The following VSNL1 variants were observed in gnomAD, a reference collection of about 807,000 sequenced individuals.
The protein encoded by VSNL1 is visinin like 1, also known as visinin-like protein 1.
Under a neutral mutation model 20.4 loss-of-function variants are expected in VSNL1, and 6 were observed. The observed-to-expected ratio is 0.29, with a 90% CI of 0.16 to 0.58. VSNL1 has a LOEUF of 0.58. Among genes scored for constraint, VSNL1 ranks in the 20% least tolerant of loss-of-function variants. VSNL1 has a pLI of 0.90. For synonymous variants in VSNL1, 93 were observed against 86.4 expected, an observed-to-expected ratio of 1.08 and a Z score of -0.42; for missense variants, 100 against 234.5, an observed-to-expected ratio of 0.43 and a Z score of 3.75.
intron 2 of VSNL1, among the ~76,000 whole-genome samples, chr2:17,610,728 G>A (rs1435648672): frequency 6.6e-6 from 1 of 152,228 alleles, no homozygotes; most frequent in Non-Finnish European, 1.5e-5. Flanking sequence ...TGCGGATTGC[G>A]ATGTGTCAGT....
At chr2:17,640,869 C>T (rs2103421637) in intron 2 of VSNL1, among the ~76,000 whole-genome samples, 1 of 152,284 alleles carries the variant, frequency 6.6e-6, no homozygotes, top group East Asian at 1.9e-4. Flanking sequence ...TTGAAATATA[C>T]AATAAATTAT....
intron 2 of VSNL1, among the ~76,000 whole-genome samples, chr2:17,602,219 C>T (rs1410529853): frequency 6.6e-6 from 1 of 152,162 alleles, no homozygotes; most frequent in African/African-American, 2.4e-5. Context: ...CTGATTCTTC[C>T]ATCTTTGGTG....
intron 2 of VSNL1, among the ~76,000 whole-genome samples, chr2:17,605,933 G>A (rs542276777): frequency 1.3e-4 from 20 of 152,344 alleles, no homozygotes; most frequent in Non-Finnish European, 2.2e-4. Flanking sequence ...GCCAACATTC[G>A]TTGAATGCTC....
Position 17,592,251 on chromosome 2 carries a change from A to C in VSNL1, c.162+15A>C, listed in dbSNP as rs753420956. 17 of 1,612,814 alleles carry C rather than the reference A, an allele frequency of 1.1e-5. No homozygotes were observed. The East Asian group carries it at 3.8e-4, about 36-fold the overall frequency. Reference sequence around the variant, plus strand: ...TCTATGTGAAGGTAAGTTGTTTTTCAACCTTGTTTTTATTCCTTAGGCCAG... The same window carrying C: ...TCTATGTGAAGGTAAGTTGTTTTTCCACCTTGTTTTTATTCCTTAGGCCAG... On this transcript the variant is annotated intron_variant, in intron 2 of 3. Transcript: ENST00000295156.
At chr2:17,575,487 A>T (rs899431282) in intron 1 of VSNL1, among the ~76,000 whole-genome samples, 2 of 151,944 alleles carry the variant, frequency 1.3e-5, no homozygotes, top group African/African-American at 4.8e-5. Flanking sequence ...AACCTTCTCA[A>T]CCTTATATAG....
intron 1 of VSNL1, among the ~76,000 whole-genome samples, chr2:17,587,232 A>G (rs1044942793): frequency 1.3e-5 from 2 of 152,158 alleles, no homozygotes; most frequent in South Asian, 4.2e-4. Context: ...GCTGATTGCT[A>G]GATTACCTGG....
chr2:17,580,338 G>A (rs774189479), intron 1 of VSNL1, among the ~76,000 whole-genome samples: 3 of 152,060 alleles, frequency 2.0e-5, no homozygotes, highest in Non-Finnish European at 4.4e-5. Flanking sequence ...TATCTGCTGC[G>A]TTTCCAGGAA....
intron 2 of VSNL1, among the ~76,000 whole-genome samples, chr2:17,599,067 G>A (rs1279913183): frequency 2.6e-5 from 4 of 152,188 alleles, no homozygotes; most frequent in African/African-American, 4.8e-5. Context: ...TATGTGCCAG[G>A]GGCTGTGTAG....
In VSNL1 at chr2:17,595,947, C is replaced by T. The variant is rs183804432; in HGVS notation, c.162+3711C>T. 7.2e-5 allele frequency among the ~76,000 whole-genome samples: 11 copies of T among 152,238 alleles called. No homozygotes were observed. In the East Asian group the frequency reaches 1.3e-3, roughly 19 times the overall value. On this transcript the variant is annotated intron_variant, in intron 2 of 3. Transcript: ENST00000295156. ...TTCAAGTATTTTGACTGCTGTATAA[C>T]GTTATATTGTTCAAATATACCACTG...
chr2:17,623,394 G>C (rs1435254333), intron 2 of VSNL1, among the ~76,000 whole-genome samples: 1 of 151,366 alleles, frequency 6.6e-6, no homozygotes, highest in Non-Finnish European at 1.5e-5. Flanking sequence ...CCCCGGCTGG[G>C]CACGGTGGCT....
intron 1 of VSNL1, among the ~76,000 whole-genome samples, chr2:17,577,656 C>A (rs953131890): frequency 1.3e-5 from 2 of 152,118 alleles, no homozygotes; most frequent in African/African-American, 4.8e-5. Context: ...CATCCAAGTC[C>A]TCTCCCATCT....
rs1417958346 is a variant in VSNL1, at chr2:17,634,340, C to T, written c.163-15070C>T. ...GGAAGCCCTACATTTTCCTTTTGCA[C>T]TGAGCCCTGCAAATTATGTAAGAGG... is the stretch of plus-strand genomic sequence containing the variant. On this transcript the variant is annotated intron_variant, in intron 2 of 3. Coordinates refer to ENST00000295156, the MANE Select transcript of VSNL1 (RefSeq NM_003385.5). This position sits in a 1 kb window ranked among gnomAD's most constrained non-coding sequence, Gnocchi z 4.3. 2.0e-5 allele frequency among the ~76,000 whole-genome samples: 3 copies of T among 152,182 alleles called. No homozygotes were observed. Among genetic ancestry groups the T allele is most frequent in the Non-Finnish European group, 4.4e-5 (3 of 68,032 alleles).
intron 1 of VSNL1, among the ~76,000 whole-genome samples, chr2:17,573,546 T>C (rs993315728): frequency 2.6e-5 from 4 of 152,122 alleles, no homozygotes; most frequent in Non-Finnish European, 4.4e-5. Context: ...TCTGATTAAT[T>C]AGAACTAGGG....
chr2:17,601,076 G>C (rs1224045093), intron 2 of VSNL1, among the ~76,000 whole-genome samples: 1 of 152,154 alleles, frequency 6.6e-6, no homozygotes, highest in Non-Finnish European at 1.5e-5. Context: ...TGGTAGGGCA[G>C]GTGTCATTTA....
Position 17,655,412 on chromosome 2 carries a change from G to A in VSNL1, c.*18G>A, listed in dbSNP as rs1666207724. 6.5e-7 allele frequency: 1 copy of A among 1,526,816 alleles called. No individual in the cohort carries two copies. The highest frequency in any genetic ancestry group is 8.9e-7 in the Non-Finnish European group (1 of 1,124,714). The allele number at this position is 1,526,816 out of a possible 1,614,324, so 94.6% of individuals were successfully genotyped here. A position where few individuals can be genotyped will look rare whatever the true frequency, so the allele number is the denominator to read the frequency against. ...AGAAATGAGCTGATGTCAATGCTAT[G>A]GACTGCACAAAAGTCTCAATGTTCC... On this transcript the variant is annotated 3_prime_UTR_variant, in exon 4 of 4. Coordinates refer to ENST00000295156, the MANE Select transcript of VSNL1 (RefSeq NM_003385.5). This position sits in a 1 kb window ranked among gnomAD's most constrained non-coding sequence, Gnocchi z 5.2.
chr2:17,548,353 C>T (rs990840781), intron 1 of VSNL1, among the ~76,000 whole-genome samples: 8 of 152,038 alleles, frequency 5.3e-5, no homozygotes, highest in East Asian at 1.9e-4. Context: ...TATTTCTAAT[C>T]TGTAGATAAA....
chr2:17,548,403 G>A (rs1326204155), intron 1 of VSNL1, among the ~76,000 whole-genome samples: 2 of 152,124 alleles, frequency 1.3e-5, no homozygotes, highest in East Asian at 1.9e-4. Context: ...TACAAAACTT[G>A]CACCTAAATT....
chr2:17,540,381 G>C (rs1344896878), upstream of VSNL1, among the ~76,000 whole-genome samples: 2 of 152,254 alleles, frequency 1.3e-5, no homozygotes, highest in Non-Finnish European at 2.9e-5. Flanking sequence ...GCGAGTCCGG[G>C]TAACCCGCAG....
At chr2:17,566,597 T>A (rs1663949578) in intron 1 of VSNL1, among the ~76,000 whole-genome samples, 1 of 152,192 alleles carries the variant, frequency 6.6e-6, no homozygotes, top group African/African-American at 2.4e-5. Context: ...GAATTCCTTA[T>A]AAATTCTGAA....
Sources: gnomAD v4.1 joint callset for allele counts (sites outside exome capture counted in the v4.1 genomes callset) on GRCh38, gnomAD v4.1.1 for gene constraint, Gnocchi (gnomAD v3.1) non-coding constraint, MANE v1.5 for transcripts, NCBI Gene and HGNC (gene_info 2026-07-23, HGNC 2026-07-21) for gene names.